ZNF395: variants seen among roughly 807,000 people sequenced by gnomAD.
ZNF395 encodes the protein HD gene regulatory region-binding protein 2.
Under a neutral mutation model 57.7 loss-of-function variants are expected in ZNF395, and 20 were observed. That is an observed-to-expected ratio of 0.35 (90% confidence interval 0.24 to 0.50). The LOEUF is 0.50. Ranked by LOEUF, ZNF395 falls within the 20% of genes least tolerant of loss-of-function variation. The pLI is 0.97. For synonymous variants in ZNF395, 295 were observed against 275.9 expected, an observed-to-expected ratio of 1.07 and a Z score of -0.69; for missense variants, 606 against 671.2, an observed-to-expected ratio of 0.90 and a Z score of 1.07.
intron 8 of ZNF395, 24 bp downstream of exon 8, chr8:28,350,040 C>T: frequency 6.4e-7 from 1 of 1,562,214 alleles, no homozygotes; most frequent in Non-Finnish European, 8.6e-7. Context: ...TACGAGGCCC[C>T]AGCCGTGCTG....
chr8:28,378,838 G>A lies in ZNF395; in HGVS notation c.-59+7555C>T, dbSNP rs549317080. 5.3e-5 allele frequency among the ~76,000 whole-genome samples: 8 copies of A among 152,266 alleles called. No individual in the cohort carries two copies. In the South Asian group the frequency reaches 6.2e-4, roughly 12 times the overall value. ...CCCTACTTGAATACCGCCAACAGCCGTAAGCTCACTACTTCCTGGGCAGAC... is the reference window on the plus strand; with the variant it reads ...CCCTACTTGAATACCGCCAACAGCCATAAGCTCACTACTTCCTGGGCAGAC... On this transcript the variant is annotated intron_variant, in intron 1 of 9. Transcript: ENST00000344423.
intron 4 of ZNF395, among the ~76,000 whole-genome samples, chr8:28,354,494 T>C (rs1801756317): frequency 6.6e-6 from 1 of 152,154 alleles, no homozygotes; most frequent in Non-Finnish European, 1.5e-5. Flanking sequence ...GCTGCCTTTC[T>C]CTCCTCTTGC....
At chr8:28,376,390 TG>T (rs1802040922) in intron 1 of ZNF395, among the ~76,000 whole-genome samples, 1 of 151,796 alleles carries the variant, frequency 6.6e-6, no homozygotes, top group Non-Finnish European at 1.5e-5. Context: ...GAGGCTGAGG[TG>T]GGAGGATCAC....
chr8:28,364,579 G>T (rs562059192), intron 1 of ZNF395, among the ~76,000 whole-genome samples: 1 of 151,502 alleles, frequency 6.6e-6, no homozygotes, highest in African/African-American at 2.4e-5. Flanking sequence ...GCTTGAACCC[G>T]GGAGGCAGAG....
At position 28,357,877 on chromosome 8, in the gene ZNF395, G is replaced by A. The variant is rs1026030604; in HGVS notation, c.474-1098C>T. ...TCTTGTATATAAGACAATTTCAGTC[G>A]ACAGATTTTCCTTTTAAATCTTAAA... On this transcript the variant is annotated intron_variant, in intron 3 of 9. Coordinates refer to ENST00000344423, the MANE Select transcript of ZNF395 (RefSeq NM_018660.3). Among the ~76,000 whole-genome samples, 7 of 152,202 alleles carry A rather than the reference G, an allele frequency of 4.6e-5. No individual in the cohort carries two copies. In the East Asian group the frequency reaches 1.3e-3, roughly 29 times the overall value.
intron 1 of ZNF395, chr8:28,385,300 A>AG (rs1802158775): frequency 6.6e-6 from 1 of 152,354 alleles, no homozygotes; most frequent in Admixed American, 6.5e-5. Flanking sequence ...TAGGTCTCTG[A>AG]GTCAGTTCCA....
In ZNF395 at chr8:28,356,963, CATGAAG is replaced by C. The variant is rs1801788108; in HGVS notation, c.474-190_474-185del. Among the ~76,000 whole-genome samples, 2 of 152,296 alleles carry C rather than the reference CATGAAG, an allele frequency of 1.3e-5. No homozygotes were observed. The highest frequency in any genetic ancestry group is 4.1e-4 in the South Asian group (2 of 4,824). ...CTCAGATCATATAAACTCAGTGAAA[CATGAAG>C]GTCTCCCCTTCTTCCTGAGCAGTAC... On this transcript the variant is annotated intron_variant, in intron 3 of 9. Transcript: ENST00000344423. This position sits in a 1 kb window ranked among gnomAD's most constrained non-coding sequence, Gnocchi z 4.0.
At position 28,348,584 on chromosome 8, in the gene ZNF395, C is replaced by T; in HGVS notation, c.*135G>A. 2.7e-6 allele frequency: 2 copies of T among 732,308 alleles called. No homozygotes were observed. The highest frequency in any genetic ancestry group is 4.8e-6 in the Non-Finnish European group (2 of 417,198). 45.4% of individuals were successfully genotyped at this position (732,308 alleles called of 1,614,324 possible). A position where few individuals can be genotyped will look rare whatever the true frequency, so the allele number is the denominator to read the frequency against. On this transcript the variant is annotated 3_prime_UTR_variant, in exon 10 of 10. Coordinates refer to ENST00000344423, the MANE Select transcript of ZNF395 (RefSeq NM_018660.3). The stretch of plus-strand genomic sequence containing the variant: ...TGGGAGAAAATTGCTTTAAGTGTTA[C>T]ACCTTAGCCAACAGAGCCCAAACTC...
intron 1 of ZNF395, among the ~76,000 whole-genome samples, chr8:28,363,627 AAAAAC>A (rs755974298): frequency 2.6e-5 from 4 of 152,116 alleles, no homozygotes; most frequent in Non-Finnish European, 2.9e-5. Flanking sequence ...TTCTTGGCCA[AAAAAC>A]AAAACAAAAC....
chr8:28,352,500 G>A lies in ZNF395; in HGVS notation c.920+73C>T, dbSNP rs747747190. ...TTCCTGAAAGCACTGTGGGCTGTGGGTCACAGGGACTCGGCAGGGTGGAGG... is the reference window on the plus strand; with the variant it reads ...TTCCTGAAAGCACTGTGGGCTGTGGATCACAGGGACTCGGCAGGGTGGAGG... On this transcript the variant is annotated intron_variant, in intron 6 of 9. Transcript: ENST00000344423. The surrounding 1 kb of genome is among the most constrained non-coding windows in gnomAD (Gnocchi z 4.0). The A allele has an allele frequency of 1.5e-6, 2 of 1,372,626 alleles. No homozygotes were observed. Among genetic ancestry groups the A allele is most frequent in the South Asian group, 2.4e-5 (2 of 83,816 alleles). The allele number at this position is 1,372,626 out of a possible 1,614,324, so 85.0% of individuals were successfully genotyped here. A position where few individuals can be genotyped will look rare whatever the true frequency, so the allele number is the denominator to read the frequency against.
At chr8:28,349,054 G>T (rs1801644612) in intron 9 of ZNF395, 71 bp downstream of exon 9, 1 of 1,435,250 alleles carries the variant, frequency 7.0e-7, no homozygotes, top group Admixed American at 2.1e-5. Context: ...CATCTGGGTG[G>T]GGTCGGAGTC....
At chr8:28,385,869 C>T (rs1479682590) in intron 1 of ZNF395, 2 of 146,644 alleles carry the variant, frequency 1.4e-5, no homozygotes, top group East Asian at 3.9e-4. Context: ...GCGCCCCGCC[C>T]GCCGCGGCCC....
At chr8:28,366,332 A>C (rs1193580455) in intron 1 of ZNF395, among the ~76,000 whole-genome samples, 1 of 152,198 alleles carries the variant, frequency 6.6e-6, no homozygotes, top group Non-Finnish European at 1.5e-5. Flanking sequence ...ATATTTAACC[A>C]TATCATTCTT....
intron 1 of ZNF395, among the ~76,000 whole-genome samples, chr8:28,365,160 A>G (rs1277948205): frequency 6.6e-6 from 1 of 152,186 alleles, no homozygotes; most frequent in Non-Finnish European, 1.5e-5. Context: ...TAATCAGCAC[A>G]CTCATGACAT....
intron 7 of ZNF395, among the ~76,000 whole-genome samples, chr8:28,350,816 C>G (rs532639535): frequency 6.6e-6 from 1 of 152,352 alleles, no homozygotes; most frequent in East Asian, 1.9e-4. Flanking sequence ...TAAGAAATAT[C>G]AGCACACAGC....
intron 1 of ZNF395, among the ~76,000 whole-genome samples, chr8:28,363,255 C>T (rs1331850471): frequency 6.6e-6 from 1 of 151,984 alleles, no homozygotes; most frequent in African/African-American, 2.4e-5. Flanking sequence ...CCTCAGCCTC[C>T]CAAGTAGCTG....
In ZNF395 at chr8:28,352,456, G is replaced by A; in HGVS notation, c.920+117C>T. 7.7e-6 allele frequency: 6 copies of A among 782,392 alleles called. No homozygotes were observed. Among genetic ancestry groups the A allele is most frequent in the Non-Finnish European group, 1.1e-5 (5 of 474,442 alleles). The allele number at this position is 782,392 out of a possible 1,614,324, so 48.5% of individuals were successfully genotyped here. ...GGGGGCCAGGAAGAGACACCAGGGG[G>A]TGTTCCCAGCAAGCCACGTTCCTGA... On this transcript the variant is annotated intron_variant, in intron 6 of 9. Transcript: ENST00000344423. This position sits in a 1 kb window ranked among gnomAD's most constrained non-coding sequence, Gnocchi z 4.0.
intron 3 of ZNF395, among the ~76,000 whole-genome samples, chr8:28,357,886 T>G (rs1801799724): frequency 6.6e-6 from 1 of 152,204 alleles, no homozygotes; most frequent in African/African-American, 2.4e-5. Flanking sequence ...CGACAGATTT[T>G]CCTTTTAAAT....
At chr8:28,351,382 G>T in intron 7 of ZNF395, 113 bp downstream of exon 7, 1 of 1,184,478 alleles carries the variant, frequency 8.4e-7, no homozygotes, top group Non-Finnish European at 1.2e-6. Flanking sequence ...GAAGAGATTA[G>T]CAATTTGGCC....
Sources: allele counts gnomAD v4.1 joint callset (sites outside exome capture counted in the v4.1 genomes callset), GRCh38; gene constraint gnomAD v4.1.1; non-coding constraint Gnocchi (gnomAD v3.1); transcripts MANE v1.5; gene names NCBI Gene and HGNC (gene_info 2026-07-23, HGNC 2026-07-21).